The following ALK variants were observed in gnomAD, a reference collection of about 807,000 sequenced individuals.
The protein encoded by ALK is ALK tyrosine kinase receptor.
ALK carries 74 observed loss-of-function variants against 163.1 expected under a neutral mutation model. The observed-to-expected ratio is 0.45, with a 90% CI of 0.38 to 0.55. The LOEUF is 0.55. ALK is among the 20% of genes least tolerant of loss of function. The pLI is 0.00. For synonymous variants in ALK, 960 were observed against 843.2 expected, an observed-to-expected ratio of 1.14 and a Z score of -2.40; for missense variants, 2,063 against 2,105.3, an observed-to-expected ratio of 0.98 and a Z score of 0.39.
At chr2:29,456,978 G>C (rs1342106786) in intron 4 of ALK, among the ~76,000 whole-genome samples, 1 of 152,160 alleles carries the variant, frequency 6.6e-6, no homozygotes, top group African/African-American at 2.4e-5. Context: ...TCTACTGCAA[G>C]ATGACCACAC....
intron 25 of ALK, among the ~76,000 whole-genome samples, chr2:29,209,374 C>T (rs1281310102): frequency 6.6e-6 from 1 of 151,932 alleles, no homozygotes; most frequent in African/African-American, 2.4e-5. Context: ...AACCTCGTCT[C>T]TACTAAAAAT....
rs575057399 is a variant in ALK at position 29,216,598 on chromosome 2, G to C, written c.3646-2517C>G. The stretch of plus-strand genomic sequence containing the variant: ...AGTCAGCAAGCGTGGGTTATGGGGG[G>C]TGTCTGGTGTGTACGTGTCTGTGGT... On this transcript the variant is annotated intron_variant, in intron 23 of 28. Coordinates refer to ENST00000389048, the MANE Select transcript of ALK (RefSeq NM_004304.5). Among the ~76,000 whole-genome samples, 5 of 152,224 alleles carry C rather than the reference G, an allele frequency of 3.3e-5. No homozygotes were observed. The East Asian group carries it at 9.7e-4, about 29-fold the overall frequency.
intron 3 of ALK, among the ~76,000 whole-genome samples, chr2:29,601,998 G>T (rs1049904641): frequency 1.3e-5 from 2 of 152,180 alleles, no homozygotes; most frequent in African/African-American, 4.8e-5. Flanking sequence ...TCCTGAGGGT[G>T]TGAGTGCCTC....
intron 5 of ALK, among the ~76,000 whole-genome samples, chr2:29,333,805 T>C (rs1301714545): frequency 6.6e-6 from 1 of 151,950 alleles, no homozygotes; most frequent in East Asian, 1.9e-4. Flanking sequence ...AGAGATGGGG[T>C]TTCACCATGT....
At chr2:29,894,853 AACACAC>A (rs796857722) in intron 1 of ALK, among the ~76,000 whole-genome samples, 6 of 33,330 alleles carry the variant, frequency 1.8e-4, no homozygotes, top group East Asian at 1.7e-3. Context: ...CACACACACA[AACACAC>A]ACACACACAC....
intron 1 of ALK, among the ~76,000 whole-genome samples, chr2:29,784,879 C>A (rs1240107552): frequency 1.3e-5 from 2 of 152,204 alleles, no homozygotes; most frequent in Non-Finnish European, 1.5e-5. Context: ...GCAGTGCTCT[C>A]TTCTGCTTTA....
intron 24 of ALK, among the ~76,000 whole-genome samples, 152 bp downstream of exon 24, chr2:29,213,829 CAAT>C (rs1669526808): frequency 6.6e-6 from 1 of 152,110 alleles, no homozygotes; most frequent in African/African-American, 2.4e-5. Flanking sequence ...CACAAAAAAA[CAAT>C]AAAACAAAGC....
chr2:29,624,064 C>T (rs1409504041), intron 3 of ALK, among the ~76,000 whole-genome samples: 2 of 152,098 alleles, frequency 1.3e-5, no homozygotes, highest in Admixed American at 1.3e-4. Context: ...ATATTTATAC[C>T]CTAGCAAGAC....
chr2:29,553,578 C>G (rs990247561), intron 3 of ALK, among the ~76,000 whole-genome samples: 3 of 152,168 alleles, frequency 2.0e-5, no homozygotes, highest in African/African-American at 7.2e-5. Flanking sequence ...CACTCCTTGA[C>G]AGCAGGGGTG....
chr2:29,665,975 T>C (rs1295464953), intron 3 of ALK, among the ~76,000 whole-genome samples: 2 of 152,108 alleles, frequency 1.3e-5, no homozygotes, highest in Admixed American at 1.3e-4. Flanking sequence ...CTCCCTACTC[T>C]CATGCATGGG....
At chr2:29,720,547 C>G (rs967000692) in intron 1 of ALK, among the ~76,000 whole-genome samples, 7 of 152,106 alleles carry the variant, frequency 4.6e-5, no homozygotes, top group African/African-American at 1.7e-4. Flanking sequence ...AAAGGCTGAG[C>G]CTCCCCACCT....
chr2:29,462,232 G>T (rs537946647), intron 4 of ALK, among the ~76,000 whole-genome samples: 2 of 152,232 alleles, frequency 1.3e-5, no homozygotes, highest in African/African-American at 2.4e-5. Context: ...ATGACAAAAA[G>T]GATTTAAAAT....
intron 4 of ALK, among the ~76,000 whole-genome samples, chr2:29,388,980 C>T (rs967104342): frequency 6.6e-6 from 1 of 152,224 alleles, no homozygotes. Context: ...AGGCCTCCAT[C>T]TCACTTAGAG....
intron 4 of ALK, among the ~76,000 whole-genome samples, chr2:29,404,302 C>T (rs1434907762): frequency 1.1e-4 from 6 of 55,936 alleles, no homozygotes; most frequent in African/African-American, 2.7e-4. Flanking sequence ...AGCAAGACTC[C>T]GTCTCAAAAA....
chr2:29,565,794 C>G (rs1231819660), intron 3 of ALK, among the ~76,000 whole-genome samples: 1 of 152,188 alleles, frequency 6.6e-6, no homozygotes, highest in Non-Finnish European at 1.5e-5. Flanking sequence ...AACATAAACT[C>G]TGCTTCACTC....
At chr2:29,257,461 C>T (rs1462096114) in intron 11 of ALK, among the ~76,000 whole-genome samples, 2 of 151,734 alleles carry the variant, frequency 1.3e-5, no homozygotes, top group African/African-American at 4.9e-5. Flanking sequence ...TAGTAATAAA[C>T]AGTACATCGC....
rs1196800555 is a variant in ALK, at chr2:29,864,087, CTG to C, written c.667+55904_667+55905del. The stretch of plus-strand genomic sequence containing the variant: ...TGTCCCCATTTTTCAGACTAGAAAA[CTG>C]AGGCACAGAGTGGTTACCTGCTTGT... On this transcript the variant is annotated intron_variant, in intron 1 of 28. Transcript: ENST00000389048. 2.0e-5 allele frequency among the ~76,000 whole-genome samples: 3 copies of C among 152,158 alleles called. No individual in the cohort carries two copies. The East Asian group carries it at 5.8e-4, about 29-fold the overall frequency.
At chr2:29,473,375 G>A (rs1207652183) in intron 4 of ALK, among the ~76,000 whole-genome samples, 1 of 152,022 alleles carries the variant, frequency 6.6e-6, no homozygotes, top group Non-Finnish European at 1.5e-5. Flanking sequence ...TGACATAGAA[G>A]AATATATTTA....
chr2:29,478,823 C>T (rs1485596230), intron 4 of ALK, among the ~76,000 whole-genome samples: 1 of 152,078 alleles, frequency 6.6e-6, no homozygotes. Flanking sequence ...CAAGTGTGTC[C>T]CAGCTTGTGG....
Sources: gnomAD v4.1 joint callset for allele counts (sites outside exome capture counted in the v4.1 genomes callset) on GRCh38, gnomAD v4.1.1 for gene constraint, MANE v1.5 for transcripts, NCBI Gene and HGNC (gene_info 2026-07-23, HGNC 2026-07-21) for gene names.